RGS22: variants seen among roughly 807,000 people sequenced by gnomAD.
RGS22 encodes the protein regulator of G protein signaling 22.
A neutral mutation model predicts 172.9 loss-of-function variants in RGS22; 148 were observed. That is an observed-to-expected ratio of 0.86 (90% CI 0.75 to 0.98). The LOEUF (loss-of-function observed/expected upper bound fraction) is 0.98, where lower values mean the gene tolerates loss of function less well. Ranked by LOEUF, RGS22 falls within the 50% of genes least tolerant of loss-of-function variation. The probability of loss-of-function intolerance (pLI) is 0.00; values close to 1 mark genes in which losing one functional copy is unlikely to be tolerated. For missense variants in RGS22, 1,347 were observed against 1,440.8 expected (o/e 0.93, Z 1.05); for synonymous variants, 458 against 480.2 (o/e 0.95, Z 0.60).
At chr8:100,098,693 T>C (rs1813174781) in intron 2 of RGS22, among the ~76,000 whole-genome samples, 1 of 131,708 alleles carries the variant, frequency 7.6e-6, no homozygotes, top group African/African-American at 3.5e-5. Context: ...TCTCTCTTCT[T>C]CCCTCTTTCT....
chr8:100,006,150 A>G, intron 15 of RGS22, 41 bp from the exon 16 acceptor site: 1 of 1,519,664 alleles, frequency 6.6e-7, no homozygotes, highest in East Asian at 2.3e-5. Context: ...AAGAGAATGT[A>G]CAATTTGCTA....
At chr8:99,971,786 G>C (rs1286563211) in intron 23 of RGS22, among the ~76,000 whole-genome samples, 1 of 151,998 alleles carries the variant, frequency 6.6e-6, no homozygotes, top group South Asian at 2.1e-4. Context: ...AGTATCGTGG[G>C]ATAGGAAGAA....
chr8:99,979,282 A>AAT (rs1215533260), intron 22 of RGS22, among the ~76,000 whole-genome samples: 3 of 152,098 alleles, frequency 2.0e-5, no homozygotes, highest in East Asian at 1.9e-4. Context: ...CCAGTTCTTG[A>AAT]ATATATATAT....
intron 9 of RGS22, among the ~76,000 whole-genome samples, chr8:100,058,028 T>TA (rs1809784635): frequency 6.6e-6 from 1 of 152,154 alleles, no homozygotes; most frequent in Non-Finnish European, 1.5e-5. Flanking sequence ...TTAAAATTGT[T>TA]AAACAGAATC....
chr8:100,042,378 CAT>C (rs1262364735), intron 11 of RGS22, among the ~76,000 whole-genome samples: 2 of 152,010 alleles, frequency 1.3e-5, no homozygotes, highest in Admixed American at 6.6e-5. Flanking sequence ...AGGCAGCAAA[CAT>C]AATTTGCTTA....
intron 4 of RGS22, among the ~76,000 whole-genome samples, chr8:100,072,431 C>G (rs1014690720): frequency 6.6e-6 from 1 of 152,004 alleles, no homozygotes; most frequent in African/African-American, 2.4e-5. Flanking sequence ...TTTTAATTCT[C>G]TTAACAATCC....
At chr8:99,999,624 T>C (rs1008702525) in intron 18 of RGS22, among the ~76,000 whole-genome samples, 1 of 152,186 alleles carries the variant, frequency 6.6e-6, no homozygotes, top group Admixed American at 6.5e-5. Context: ...GCTGGTTGTT[T>C]TAGATGTATG....
rs753963357 is a variant in RGS22, at chr8:99,987,538, G to A, written c.3100C>T (p.Gln1034Ter). The change falls in exon 21 of 28, where the codon CAA (glutamine) becomes TAA (stop). Residue 1034 changes from glutamine to a stop codon, truncating the protein, a stop_gained. Coordinates refer to ENST00000360863, the MANE Select transcript of RGS22 (RefSeq NM_015668.5). LOFTEE classifies it high-confidence loss of function. ...TTTAGAGCCACAAAACGTTGAAATT[G>A]TCTTGAAGTAACTGGATTCAATAAT... ...KALLNPVTSR[Q>*]FQRFVALKGD... 5.6e-6 allele frequency: 9 copies of A among 1,611,614 alleles called. No homozygotes were observed. The highest frequency in any genetic ancestry group is 2.5e-6 in the Non-Finnish European group (3 of 1,178,782).
rs192978718 is a variant in RGS22 at position 100,085,815 on chromosome 8, T to C, written c.118-5460A>G. On this transcript the variant is annotated intron_variant, in intron 3 of 27. Coordinates refer to ENST00000360863, the MANE Select transcript of RGS22 (RefSeq NM_015668.5). ...ACATAGATTGGTACAACAGACAAAA[T>C]CATTGTGACTCTTTAAATCACTCTT... Among the ~76,000 whole-genome samples the C allele has an allele frequency of 2.6e-5, 4 of 152,256 alleles. No homozygotes were observed. In the East Asian group the frequency reaches 5.8e-4, roughly 22 times the overall value.
At chr8:99,983,614 C>T (rs950926122) in intron 21 of RGS22, among the ~76,000 whole-genome samples, 5 of 152,184 alleles carry the variant, frequency 3.3e-5, no homozygotes, top group Non-Finnish European at 4.4e-5. Flanking sequence ...GAGAAGTATC[C>T]GTTCATGTCC....
At chr8:100,029,833 A>G (rs1818601592) in intron 14 of RGS22, among the ~76,000 whole-genome samples, 1 of 152,184 alleles carries the variant, frequency 6.6e-6, no homozygotes, top group South Asian at 2.1e-4. Context: ...GAAATTTTAA[A>G]ATGAGGAAAA....
intron 2 of RGS22, among the ~76,000 whole-genome samples, chr8:100,093,873 T>C (rs1375586007): frequency 1.3e-5 from 2 of 152,170 alleles, no homozygotes; most frequent in Non-Finnish European, 2.9e-5. Flanking sequence ...AATATATACA[T>C]ATTTCATAAA....
intron 4 of RGS22, among the ~76,000 whole-genome samples, chr8:100,073,736 G>A (rs1811153180): frequency 6.6e-6 from 1 of 152,148 alleles, no homozygotes; most frequent in Non-Finnish European, 1.5e-5. Flanking sequence ...ATTCTATAAG[G>A]TTGTCAAACT....
chr8:100,001,289 T>C lies in RGS22; in HGVS notation c.2790+913A>G, dbSNP rs1588947507. Among the ~76,000 whole-genome samples, 2 of 146,810 alleles carry C rather than the reference T, an allele frequency of 1.4e-5. 1 individual carries two copies. Among genetic ancestry groups the C allele is most frequent in the South Asian group, 4.3e-4 (2 of 4,674 alleles). On this transcript the variant is annotated intron_variant, in intron 18 of 27. Transcript: ENST00000360863. ...ACTCACTCTGTTGTCTAGGCTGGAG[T>C]GCAGGGGCACAATCTCCACTCACTG...
intron 14 of RGS22, among the ~76,000 whole-genome samples, chr8:100,025,744 C>T (rs187299899): frequency 3.3e-5 from 5 of 152,344 alleles, no homozygotes; most frequent in South Asian, 2.1e-4. Context: ...CACTGCCCCA[C>T]TTATGCCATA....
intron 14 of RGS22, among the ~76,000 whole-genome samples, chr8:100,020,068 G>A (rs1416553380): frequency 2.0e-5 from 3 of 151,994 alleles, no homozygotes; most frequent in Admixed American, 6.6e-5. Flanking sequence ...ATTTTTAGTA[G>A]CAATGAAGTT....
rs150335346 is a variant in RGS22, at chr8:99,981,007, C to T, written c.3360+930G>A. Among the ~76,000 whole-genome samples, 543 of 152,256 alleles carry T rather than the reference C, an allele frequency of 3.6e-3. 3 individuals carry two copies. Among genetic ancestry groups the T allele is most frequent in the African/African-American group, 0.012 (506 of 41,542 alleles). On this transcript the variant is annotated intron_variant, in intron 22 of 27. Coordinates refer to ENST00000360863, the MANE Select transcript of RGS22 (RefSeq NM_015668.5). ...TTTTAGTTCCTTAGAGGACTTAGAA[C>T]ACAGCTGGCTCTCAAATGAATCTAA...
intron 15 of RGS22, among the ~76,000 whole-genome samples, chr8:100,007,360 A>G (rs548444595): frequency 1.3e-5 from 2 of 152,314 alleles, no homozygotes; most frequent in South Asian, 4.1e-4. Flanking sequence ...ATATTTAAAT[A>G]AATTGCCTCC....
chr8:100,055,755 T>C (rs1252710052), intron 9 of RGS22, among the ~76,000 whole-genome samples: 3 of 152,206 alleles, frequency 2.0e-5, no homozygotes, highest in African/African-American at 4.8e-5. Context: ...ATCCCTTTGC[T>C]CTTCCTTTGT....
Sources: allele counts gnomAD v4.1 joint callset (sites outside exome capture counted in the v4.1 genomes callset), GRCh38; gene constraint gnomAD v4.1.1; transcripts MANE v1.5; gene names NCBI Gene and HGNC (gene_info 2026-07-23, HGNC 2026-07-21).